SPIDR: variants seen among roughly 807,000 people sequenced by gnomAD.
The protein encoded by SPIDR is DNA repair-scaffolding protein.
SPIDR carries 93 observed loss-of-function variants against 104.6 expected under a neutral mutation model. The observed-to-expected ratio is 0.89, with a 90% CI of 0.75 to 1.06. The LOEUF (loss-of-function observed/expected upper bound fraction) is 1.06. SPIDR is among the 50% of genes least tolerant of loss of function. The pLI, the probability that SPIDR is intolerant of heterozygous loss-of-function variation, is 0.00. For synonymous variants in SPIDR, 431 were observed against 416.9 expected (o/e 1.03, Z -0.41); for missense variants, 1,154 against 1,111.2 (o/e 1.04, Z -0.55).
In SPIDR at chr8:47,274,835, A is replaced by T. The variant is rs200517457; in HGVS notation, c.34-5027A>T. ...GTGATCCACCCACCTCAGCCTCCCA[A>T]AGTGCTGGGATTACAGGCATGAGCC... is the stretch of plus-strand genomic sequence containing the variant. On this transcript the variant is annotated intron_variant, in intron 1 of 19. Coordinates refer to ENST00000297423, the MANE Select transcript of SPIDR (RefSeq NM_001080394.4). Among the ~76,000 whole-genome samples the T allele has an allele frequency of 2.0e-5, 3 of 151,492 alleles. No homozygotes were observed. The East Asian group carries it at 5.9e-4, about 30-fold the overall frequency.
Position 47,713,563 on chromosome 8 carries a change from TC to T in SPIDR, c.2265del (p.Cys756ValfsTer7), listed in dbSNP as rs754810654. 16 of 1,614,140 alleles carry T rather than the reference TC, an allele frequency of 9.9e-6. No homozygotes were observed. The East Asian group carries it at 3.6e-4, about 36-fold the overall frequency. On this transcript the variant is annotated frameshift_variant, in exon 16 of 20. Transcript: ENST00000297423. LOFTEE classifies it high-confidence loss of function. ...TTTGAGTGTGGTCTCTGGTGCAAGT[TC>T]CTGTGAGCTGCCTGGCCCGGTGATG... is the stretch of plus-strand genomic sequence containing the variant. ...PLLSVVSGASSCELPGPVMLD... is the reference protein window; with the variant it reads ...PLLSVVSGASXCELPGPVMLD...
chr8:47,570,768 A>G (rs775760946), intron 8 of SPIDR, among the ~76,000 whole-genome samples: 25 of 152,214 alleles, frequency 1.6e-4, no homozygotes, highest in Non-Finnish European at 3.4e-4. Flanking sequence ...TCTTTCTGCA[A>G]AGAAGATATA....
intron 8 of SPIDR, among the ~76,000 whole-genome samples, chr8:47,573,200 T>C (rs1182923569): frequency 6.6e-6 from 1 of 152,200 alleles, no homozygotes; most frequent in Non-Finnish European, 1.5e-5. Flanking sequence ...TCCTGATTGT[T>C]TTTCGGCAGG....
intron 8 of SPIDR, among the ~76,000 whole-genome samples, chr8:47,475,829 A>G (rs1554723495): frequency 6.6e-6 from 1 of 152,218 alleles, no homozygotes; most frequent in African/African-American, 2.4e-5. Flanking sequence ...CCCTTTTTGT[A>G]AAGCCAGTCA....
At chr8:47,558,034 A>G (rs1484079765) in intron 8 of SPIDR, among the ~76,000 whole-genome samples, 1 of 152,222 alleles carries the variant, frequency 6.6e-6, no homozygotes, top group Non-Finnish European at 1.5e-5. Flanking sequence ...CCATTATTCT[A>G]AGTGAATTAA....
At chr8:47,566,817 A>G (rs1280486583) in intron 8 of SPIDR, among the ~76,000 whole-genome samples, 1 of 152,118 alleles carries the variant, frequency 6.6e-6, no homozygotes, top group African/African-American at 2.4e-5. Context: ...TGGGGATTGA[A>G]TGGCCTTGAA....
At chr8:47,267,260 G>A (rs1391501806) in intron 1 of SPIDR, among the ~76,000 whole-genome samples, 1 of 152,010 alleles carries the variant, frequency 6.6e-6, no homozygotes, top group Non-Finnish European at 1.5e-5. Flanking sequence ...CTGGGCTCAA[G>A]AGATCCTCCC....
At chr8:47,493,063 G>T (rs1428928839) in intron 8 of SPIDR, among the ~76,000 whole-genome samples, 2 of 151,498 alleles carry the variant, frequency 1.3e-5, no homozygotes, top group Non-Finnish European at 2.9e-5. Flanking sequence ...GTGTGTGTGT[G>T]TGTGTGTGTG....
chr8:47,487,230 A>T (rs927097564), intron 8 of SPIDR, among the ~76,000 whole-genome samples: 44 of 152,328 alleles, frequency 2.9e-4, no homozygotes, highest in African/African-American at 1.0e-3. Context: ...ACAGACTTTA[A>T]ACCAACAAAG....
chr8:47,599,871 A>T (rs1246996193), intron 10 of SPIDR, among the ~76,000 whole-genome samples: 1 of 152,044 alleles, frequency 6.6e-6, no homozygotes, highest in Admixed American at 6.6e-5. Flanking sequence ...AGTTCAAGAG[A>T]TTCTCGTGCC....
chr8:47,522,207 A>G (rs2084264639), intron 8 of SPIDR, among the ~76,000 whole-genome samples: 1 of 151,686 alleles, frequency 6.6e-6, no homozygotes, highest in Non-Finnish European at 1.5e-5. Context: ...AAAAAGAAAC[A>G]TGAATGAGCA....
At chr8:47,270,753 G>T (rs2035140894) in intron 1 of SPIDR, among the ~76,000 whole-genome samples, 1 of 152,046 alleles carries the variant, frequency 6.6e-6, no homozygotes, top group Non-Finnish European at 1.5e-5. Flanking sequence ...ATAGGTTTTA[G>T]TGTATATTGT....
At chr8:47,542,206 A>G (rs1350243854) in intron 8 of SPIDR, among the ~76,000 whole-genome samples, 1 of 149,814 alleles carries the variant, frequency 6.7e-6, no homozygotes, top group Non-Finnish European at 1.5e-5. Context: ...TAACATCCCC[A>G]TGTACACCAG....
chr8:47,304,987 G>GA (rs1405924151), intron 5 of SPIDR, among the ~76,000 whole-genome samples: 1 of 152,182 alleles, frequency 6.6e-6, no homozygotes, highest in Non-Finnish European at 1.5e-5. Flanking sequence ...TCTGCCATGG[G>GA]AAGGTGTAGG....
chr8:47,598,096 A>G lies in SPIDR; in HGVS notation c.1294-850A>G, dbSNP rs539158922. Among the ~76,000 whole-genome samples, 4 of 152,366 alleles carry G rather than the reference A, an allele frequency of 2.6e-5. No individual in the cohort carries two copies. In the South Asian group the frequency reaches 8.3e-4, roughly 32 times the overall value. On this transcript the variant is annotated intron_variant, in intron 9 of 19. Coordinates refer to ENST00000297423, the MANE Select transcript of SPIDR (RefSeq NM_001080394.4). ...AATCAATTTAATTATAACATCAAAA[A>G]TATGGCCCAGAGCACATTACTGTTT...
intron 8 of SPIDR, among the ~76,000 whole-genome samples, chr8:47,552,786 A>C (rs988658774): frequency 6.6e-6 from 1 of 152,106 alleles, no homozygotes; most frequent in Admixed American, 6.6e-5. Context: ...GTTATGTATG[A>C]ATTTGGTGCT....
chr8:47,560,948 C>T (rs1478743591), intron 8 of SPIDR, among the ~76,000 whole-genome samples: 2 of 152,160 alleles, frequency 1.3e-5, no homozygotes, highest in Non-Finnish European at 2.9e-5. Flanking sequence ...CTGGGTGTAG[C>T]GTTAGATTAC....
intron 8 of SPIDR, among the ~76,000 whole-genome samples, chr8:47,487,210 C>G (rs1361301400): frequency 6.6e-6 from 1 of 152,008 alleles, no homozygotes; most frequent in African/African-American, 2.4e-5. Context: ...CAATCCTAGT[C>G]TCTCATGAAA....
At chr8:47,387,845 G>A (rs1343835875) in intron 5 of SPIDR, among the ~76,000 whole-genome samples, 1 of 152,084 alleles carries the variant, frequency 6.6e-6, no homozygotes, top group Non-Finnish European at 1.5e-5. Context: ...TTGCCTACTT[G>A]GAAATCTTCA....
Sources: allele counts gnomAD v4.1 joint callset (sites outside exome capture counted in the v4.1 genomes callset), GRCh38; gene constraint gnomAD v4.1.1; transcripts MANE v1.5; gene names NCBI Gene and HGNC (gene_info 2026-07-23, HGNC 2026-07-21).